The following ETV1 variants were observed in gnomAD, a reference collection of about 807,000 sequenced individuals.
ETV1 encodes ETS variant transcription factor 1.
ETV1 carries 27 observed loss-of-function variants against 62.3 expected under a neutral mutation model. The observed-to-expected ratio is 0.43, with a 90% CI of 0.32 to 0.60. The LOEUF is 0.60. Ranked by LOEUF, ETV1 falls within the 20% of genes least tolerant of loss-of-function variation. The probability of loss-of-function intolerance (pLI) is 0.06; values close to 1 mark genes in which losing one functional copy is unlikely to be tolerated. For missense variants in ETV1, 605 were observed against 605.8 expected, an observed-to-expected ratio of 1.00 and a Z score of 0.01; for synonymous variants, 222 against 199.6, an observed-to-expected ratio of 1.11 and a Z score of -0.94.
At chr7:13,952,915 G>C (rs1025431796) in intron 6 of ETV1, among the ~76,000 whole-genome samples, 5 of 152,170 alleles carry the variant, frequency 3.3e-5, no homozygotes, top group African/African-American at 1.2e-4. Context: ...GGTACTAAAT[G>C]ATCCTCATCT....
At chr7:13,982,043 C>T (rs1253715076) in intron 5 of ETV1, among the ~76,000 whole-genome samples, 1 of 152,032 alleles carries the variant, frequency 6.6e-6, no homozygotes, top group African/African-American at 2.4e-5. Context: ...AAGGAGGCAA[C>T]TTTCCAATGA....
chr7:13,991,340 C>T (rs2128519792), upstream of ETV1: 1 of 152,424 alleles, frequency 6.6e-6, no homozygotes, highest in East Asian at 1.9e-4. Context: ...TCTCTGCAGC[C>T]CGAGCCTGAC....
At chr7:13,906,795 T>G (rs1783014523) in intron 11 of ETV1, among the ~76,000 whole-genome samples, 196 bp from the exon 12 acceptor site, 1 of 152,172 alleles carries the variant, frequency 6.6e-6, no homozygotes, top group Non-Finnish European at 1.5e-5. Flanking sequence ...CTGTACGAAC[T>G]TACAGATAAC....
At chr7:13,920,194 G>A (rs1341044032) in intron 9 of ETV1, among the ~76,000 whole-genome samples, 1 of 152,052 alleles carries the variant, frequency 6.6e-6, no homozygotes, top group Non-Finnish European at 1.5e-5. Flanking sequence ...AACACTGTGG[G>A]GCTGAAATGA....
intron 9 of ETV1, among the ~76,000 whole-genome samples, chr7:13,931,150 A>C (rs1238862637): frequency 6.6e-6 from 1 of 152,280 alleles, no homozygotes; most frequent in Non-Finnish European, 1.5e-5. Flanking sequence ...ACTTTCTGTA[A>C]ACATTTTTAT....
chr7:13,962,133 C>A (rs1455222382), intron 6 of ETV1, among the ~76,000 whole-genome samples: 1 of 150,940 alleles, frequency 6.6e-6, no homozygotes, highest in Non-Finnish European at 1.5e-5. Context: ...GTTCCATGTG[C>A]CAAATATATT....
At chr7:13,979,194 G>GATTATATTCACATTAACA (rs1781743135) in intron 5 of ETV1, among the ~76,000 whole-genome samples, 1 of 152,034 alleles carries the variant, frequency 6.6e-6, no homozygotes, top group Non-Finnish European at 1.5e-5. Flanking sequence ...GTTTACTAGT[G>GATTATATTCACATTAACA]AAAATACAGT....
At chr7:13,931,465 G>C in intron 9 of ETV1, 37 bp downstream of exon 9, 2 of 1,612,360 alleles carry the variant, frequency 1.2e-6, no homozygotes, top group Non-Finnish European at 1.7e-6. Flanking sequence ...AGGTGAAAAA[G>C]TGCCTTGAAT....
rs1312149572 is a variant in ETV1, at chr7:13,931,726, G to T, written c.578C>A (p.Pro193His). ...CGGCAAAGGAGGAAAGGAGTTACAG[G>T]GTTCAGAAAGCTGGCGGCGAAATCT... is the stretch of plus-strand genomic sequence containing the variant. ...DHRFRRQLSE[P>H]CNSFPPLPTM... Residue 193 changes from proline to histidine, a missense_variant, in exon 9 of 14, where the codon CCC becomes CAC. This residue lies in a region of ETV1 where 426 missense variants were observed against 377.8 expected (regional missense o/e 1.13). Coordinates refer to ENST00000430479, the MANE Select transcript of ETV1 (RefSeq NM_004956.5). The T allele has an allele frequency of 1.9e-6, 3 of 1,613,842 alleles. No homozygotes were observed. Among genetic ancestry groups the T allele is most frequent in the Non-Finnish European group, 2.5e-6 (3 of 1,179,852 alleles).
intron 11 of ETV1, chr7:13,907,934 GA>G (rs1316823417): frequency 4.7e-6 from 2 of 429,118 alleles, no homozygotes; most frequent in South Asian, 1.7e-5. Context: ...TGATAATATA[GA>G]AGTGTATCTT....
At chr7:13,975,702 CA>C (rs1469027211) in intron 6 of ETV1, among the ~76,000 whole-genome samples, 2 of 144,354 alleles carry the variant, frequency 1.4e-5, no homozygotes. Context: ...GTGTAAAAAA[CA>C]AAAAAAAATA....
chr7:13,895,740 C>T lies in ETV1; in HGVS notation c.*126G>A, dbSNP rs1313000292. On this transcript the variant is annotated 3_prime_UTR_variant, in exon 14 of 14. Transcript: ENST00000430479. The stretch of plus-strand genomic sequence containing the variant: ...TAGAATAATGCAACAGGAAAAGCCC[C>T]TTTTTGTGTATTATTATTTAAAAAT... 4.1e-6 allele frequency: 3 copies of T among 724,378 alleles called. No individual in the cohort carries two copies. The highest frequency in any genetic ancestry group is 6.9e-6 in the Non-Finnish European group (3 of 434,708). 44.9% of individuals were successfully genotyped at this position (724,378 alleles called of 1,614,324 possible).
At chr7:13,924,214 C>T (rs117713874) in intron 9 of ETV1, among the ~76,000 whole-genome samples, 2 of 152,140 alleles carry the variant, frequency 1.3e-5, no homozygotes, top group Non-Finnish European at 2.9e-5. Flanking sequence ...GAAGTGTAAG[C>T]CACTGAGCCA....
At chr7:13,986,429 C>T in intron 5 of ETV1, 2 of 1,489,044 alleles carry the variant, frequency 1.3e-6, no homozygotes, top group South Asian at 2.8e-5. Flanking sequence ...GAAGCAATTT[C>T]TCCTGGTAAT....
intron 6 of ETV1, among the ~76,000 whole-genome samples, chr7:13,964,591 G>C (rs1165203902): frequency 6.6e-6 from 1 of 152,000 alleles, no homozygotes; most frequent in African/African-American, 2.4e-5. Flanking sequence ...GACAAAACCT[G>C]GCATAAAAAT....
At chr7:13,901,401 T>A (rs963160286) in intron 12 of ETV1, among the ~76,000 whole-genome samples, 2 of 152,132 alleles carry the variant, frequency 1.3e-5, no homozygotes, top group African/African-American at 4.8e-5. Flanking sequence ...TAAATGGAAA[T>A]AAGGAAATGT....
At chr7:13,945,406 C>G (rs907398074) in intron 6 of ETV1, among the ~76,000 whole-genome samples, 2 of 151,978 alleles carry the variant, frequency 1.3e-5, no homozygotes, top group Admixed American at 1.3e-4. Flanking sequence ...CAGGTTCAAC[C>G]TATGTGGGCC....
intron 12 of ETV1, among the ~76,000 whole-genome samples, chr7:13,905,545 T>A (rs192639959): frequency 4.2e-4 from 64 of 152,244 alleles, no homozygotes; most frequent in Middle Eastern, 3.4e-3. Context: ...TATTGATGAG[T>A]TATGCTACAG....
At position 13,894,606 on chromosome 7, in the gene ETV1, T is replaced by C. The variant is rs1781613956; in HGVS notation, c.*1260A>G. The stretch of plus-strand genomic sequence containing the variant: ...TTTGTCAATGTGCATAAAAGCTGCT[T>C]ATAGCATAGCATGGCGTAAGCTATT... On this transcript the variant is annotated 3_prime_UTR_variant, in exon 14 of 14. Coordinates refer to ENST00000430479, the MANE Select transcript of ETV1 (RefSeq NM_004956.5). The C allele has an allele frequency of 4.3e-6, 1 of 232,616 alleles. No individual in the cohort carries two copies. Among genetic ancestry groups the C allele is most frequent in the Non-Finnish European group, 8.5e-6 (1 of 117,490 alleles). The allele number at this position is 232,616 out of a possible 1,614,324, so 14.4% of individuals were successfully genotyped here. A position where few individuals can be genotyped will look rare whatever the true frequency, so the allele number is the denominator to read the frequency against.
Sources: gnomAD v4.1 joint callset for allele counts (sites outside exome capture counted in the v4.1 genomes callset) on GRCh38, gnomAD v4.1.1 for gene constraint, gnomAD v4.1.1 regional missense constraint, MANE v1.5 for transcripts, NCBI Gene and HGNC (gene_info 2026-07-23, HGNC 2026-07-21) for gene names.